Variants in MAOA observed in about 807,000 individuals in gnomAD.
MAOA encodes the protein amine oxidase [flavin-containing] A.
In MAOA, 6 loss-of-function variants were observed where a neutral mutation model predicts 42.0. The ratio of observed to expected loss-of-function variants is 0.14; its 90% CI spans 0.08 to 0.28. MAOA has a LOEUF of 0.28. Ranked by LOEUF, MAOA falls within the 10% of genes least tolerant of loss-of-function variation. The pLI is 1.00. For synonymous variants in MAOA, 140 were observed against 154.0 expected (o/e 0.91, Z 0.67); for missense variants, 262 against 422.3 (o/e 0.62, Z 3.33).
At chrX:43,717,031 G>A (rs2033749319) in intron 5 of MAOA, among the ~76,000 whole-genome samples, 1 of 110,613 alleles carries the variant, frequency 9.0e-6, no homozygotes, top group African/African-American at 3.3e-5. Context: ...AGTGGTTAAG[G>A]TGAGGCAGGA....
At chrX:43,690,288 C>T (rs2147083670) in intron 2 of MAOA, among the ~76,000 whole-genome samples, 1 of 109,707 alleles carries the variant, frequency 9.1e-6, no homozygotes, top group African/African-American at 3.3e-5. Flanking sequence ...AGTTTACTCA[C>T]TCTTTAACTA....
At chrX:43,695,091 A>G (rs1372731840) in intron 3 of MAOA, among the ~76,000 whole-genome samples, 1 of 112,019 alleles carries the variant, frequency 8.9e-6, no homozygotes, top group Admixed American at 9.5e-5. Flanking sequence ...AACTCCTAAA[A>G]GTCTACCTAA....
At chrX:43,656,789 T>C (rs773984377) in intron 1 of MAOA, among the ~76,000 whole-genome samples, 1 of 110,662 alleles carries the variant, frequency 9.0e-6, no homozygotes, top group Non-Finnish European at 1.9e-5. Context: ...TCAATAACTC[T>C]CTTGAGGTCG....
chrX:43,681,619 C>T (rs1453000581), intron 1 of MAOA, among the ~76,000 whole-genome samples: 1 of 110,858 alleles, frequency 9.0e-6, no homozygotes, highest in Non-Finnish European at 1.9e-5. Context: ...AGTTCTCCTC[C>T]TCAACCACTT....
rs1174813554 is a variant in MAOA at position 43,674,275 on chromosome X, CT to C, written c.74-9231del. ...CAGAGACTAGGATTGCAACCCCTGCCTTTTTTTGTTTTCTATTTGCTTGGTA... is the reference window on the plus strand; with the variant it reads ...CAGAGACTAGGATTGCAACCCCTGCCTTTTTTGTTTTCTATTTGCTTGGTA... On this transcript the variant is annotated intron_variant, in intron 1 of 14. Transcript: ENST00000338702. 2.8e-5 allele frequency among the ~76,000 whole-genome samples: 3 copies of C among 106,335 alleles called. No homozygotes were observed. In the South Asian group the frequency reaches 1.2e-3, roughly 44 times the overall value. The allele number at this position is 106,335 out of a possible 115,157, so 92.3% of individuals were successfully genotyped here. A position where few individuals can be genotyped will look rare whatever the true frequency, so the allele number is the denominator to read the frequency against.
intron 5 of MAOA, among the ~76,000 whole-genome samples, chrX:43,716,373 G>A (rs1216148004): frequency 9.0e-6 from 1 of 111,590 alleles, no homozygotes; most frequent in Non-Finnish European, 1.9e-5. Context: ...AGGAAGGAGG[G>A]GAATGATGGA....
At chrX:43,672,010 T>C (rs1287728943) in intron 1 of MAOA, among the ~76,000 whole-genome samples, 1 of 111,326 alleles carries the variant, frequency 9.0e-6, no homozygotes, top group Admixed American at 9.6e-5. Context: ...GGGGATGCCA[T>C]TGAATCTATA....
At chrX:43,684,797 A>G (rs1236734605) in intron 2 of MAOA, among the ~76,000 whole-genome samples, 2 of 110,733 alleles carry the variant, frequency 1.8e-5, no homozygotes, top group Non-Finnish European at 3.8e-5. Flanking sequence ...GTCTGGTGGC[A>G]GATAGTCCAG....
At chrX:43,741,810 G>A (rs1324093625) in intron 11 of MAOA, 140 bp from the exon 12 acceptor site, 3 of 1,081,148 alleles carry the variant, frequency 2.8e-6, no homozygotes, top group African/African-American at 1.8e-5. Context: ...GTACTATCAT[G>A]TTTCCCCTTA....
Position 43,746,418 on chromosome X carries a change from A to T in MAOA, c.*1905A>T, listed in dbSNP as rs540351531. 7.1e-5 allele frequency: 8 copies of T among 112,203 alleles called. No homozygotes were observed. Among genetic ancestry groups the T allele is most frequent in the East Asian group, 2.8e-4 (1 of 3,572 alleles). 9.2% of individuals were successfully genotyped at this position (112,203 alleles called of 1,213,427 possible). On this transcript the variant is annotated 3_prime_UTR_variant, in exon 15 of 15. Transcript: ENST00000338702. ...GAGGACTCTCACGATATGCAAGTTC[A>T]TCCAACGTGAAGATACCATAAGCTT...
intron 1 of MAOA, among the ~76,000 whole-genome samples, chrX:43,682,161 G>A (rs891505035): frequency 9.0e-6 from 1 of 111,578 alleles, no homozygotes; most frequent in Non-Finnish European, 1.9e-5. Flanking sequence ...GATTACAGGC[G>A]TGAGCCACCG....
At chrX:43,657,273 TTA>T (rs397717487) in intron 1 of MAOA, among the ~76,000 whole-genome samples, 17 of 79,410 alleles carry the variant, frequency 2.1e-4, no homozygotes, top group African/African-American at 6.8e-4. Flanking sequence ...TGAACTGTGT[TTA>T]TATATATATA....
chrX:43,691,626 T>C (rs900927474), intron 2 of MAOA, among the ~76,000 whole-genome samples: 24 of 111,472 alleles, frequency 2.2e-4, no homozygotes, highest in African/African-American at 6.8e-4. Flanking sequence ...CCTAAAAAAA[T>C]CACCAAGCCT....
rs1452922373 is a variant in MAOA, at chrX:43,683,420, T to C, written c.74-93T>C. 4 of 646,286 alleles carry C rather than the reference T, an allele frequency of 6.2e-6. No homozygotes were observed. The African/African-American group carries it at 6.5e-5, about 10-fold the overall frequency. The allele number at this position is 646,286 out of a possible 1,213,427, so 53.3% of individuals were successfully genotyped here. A position where few individuals can be genotyped will look rare whatever the true frequency, so the allele number is the denominator to read the frequency against. ...GACAGCAAAATCATTGGATTGTATA[T>C]GATACCCTGCATTTATTTGATGTGT... On this transcript the variant is annotated intron_variant, in intron 1 of 14. Transcript: ENST00000338702.
chrX:43,728,046 C>G lies in MAOA; in HGVS notation c.504-127C>G, dbSNP rs914240233. 6 of 639,121 alleles carry G rather than the reference C, an allele frequency of 9.4e-6. No individual in the cohort carries two copies. The African/African-American group carries it at 1.3e-4, about 14-fold the overall frequency. The allele number at this position is 639,121 out of a possible 1,213,427, so 52.7% of individuals were successfully genotyped here. A position where few individuals can be genotyped will look rare whatever the true frequency, so the allele number is the denominator to read the frequency against. On this transcript the variant is annotated intron_variant, in intron 5 of 14. Coordinates refer to ENST00000338702, the MANE Select transcript of MAOA (RefSeq NM_000240.4). ...GAATGCATTCCTTCAGAAATTGAATCCTTGAGAGTTTTTTTCAATTGCAAC... is the reference window on the plus strand; with the variant it reads ...GAATGCATTCCTTCAGAAATTGAATGCTTGAGAGTTTTTTTCAATTGCAAC...
intron 2 of MAOA, among the ~76,000 whole-genome samples, chrX:43,684,874 C>CTTTTTT (rs201207592): frequency 4.0e-4 from 24 of 59,631 alleles, no homozygotes; most frequent in South Asian, 7.4e-4. Flanking sequence ...CTTTTCTTTT[C>CTTTTTT]TTTTTTTTTT....
intron 3 of MAOA, among the ~76,000 whole-genome samples, chrX:43,710,444 T>A (rs1346184947): frequency 8.9e-6 from 1 of 112,690 alleles, no homozygotes; most frequent in Non-Finnish European, 1.9e-5. Context: ...GTGTTTGTGA[T>A]GTCTTGTGTC....
chrX:43,720,842 G>A (rs1253749935), intron 5 of MAOA, among the ~76,000 whole-genome samples: 3 of 110,574 alleles, frequency 2.7e-5, no homozygotes, highest in African/African-American at 9.9e-5. Flanking sequence ...GTATTAGGGT[G>A]GCAATAGGAA....
intron 2 of MAOA, among the ~76,000 whole-genome samples, chrX:43,684,118 CTT>C (rs1304681622): frequency 1.8e-5 from 2 of 111,862 alleles, no homozygotes; most frequent in African/African-American, 6.5e-5. Flanking sequence ...TTTTGCATAA[CTT>C]TTCCCTTGGC....
Sources: gnomAD v4.1 joint callset for allele counts (sites outside exome capture counted in the v4.1 genomes callset) on GRCh38, gnomAD v4.1.1 for gene constraint, MANE v1.5 for transcripts, NCBI Gene and HGNC (gene_info 2026-07-23, HGNC 2026-07-21) for gene names.